PCDHGA11: variants seen among roughly 807,000 people sequenced by gnomAD.
PCDHGA11 encodes protocadherin gamma subfamily A, 11.
A neutral mutation model predicts 60.4 loss-of-function variants in PCDHGA11; 39 were observed. The ratio of observed to expected loss-of-function variants is 0.65; its 90% confidence interval spans 0.50 to 0.84. PCDHGA11 has a LOEUF of 0.84. Among genes scored for constraint, PCDHGA11 ranks in the 40% least tolerant of loss-of-function variants. PCDHGA11 has a pLI of 0.00. For synonymous variants in PCDHGA11, 533 were observed against 510.3 expected, an observed-to-expected ratio of 1.04 and a Z score of -0.60; for missense variants, 1,165 against 1,197.7, an observed-to-expected ratio of 0.97 and a Z score of 0.40.
intron 1 of PCDHGA11, chr5:141,430,848 A>G (rs780445178): frequency 1.3e-6 from 2 of 1,581,028 alleles, no homozygotes; most frequent in Admixed American, 1.8e-5. Flanking sequence ...GGATGCACCC[A>G]GATACGCTAT....
intron 2 of PCDHGA11, among the ~76,000 whole-genome samples, chr5:141,501,301 ACAC>A (rs1380901086): frequency 6.6e-6 from 1 of 150,882 alleles, no homozygotes; most frequent in African/African-American, 2.4e-5. Context: ...ACACACACAC[ACAC>A]ACACACACAC....
At chr5:141,430,837 CG>C in intron 1 of PCDHGA11, 1 of 1,560,074 alleles carries the variant, frequency 6.4e-7, no homozygotes, top group African/African-American at 1.4e-5. Flanking sequence ...TGTGGGAGAC[CG>C]GATGCACCCA....
chr5:141,461,864 C>T (rs911351082), intron 1 of PCDHGA11, among the ~76,000 whole-genome samples: 5 of 151,900 alleles, frequency 3.3e-5, no homozygotes, highest in African/African-American at 9.7e-5. Context: ...GCTCTTGTTG[C>T]CCAGGCTGGA....
intron 1 of PCDHGA11, among the ~76,000 whole-genome samples, chr5:141,458,695 G>A (rs551105765): frequency 2.0e-5 from 3 of 151,852 alleles, no homozygotes; most frequent in Non-Finnish European, 2.9e-5. Context: ...TCAGCCTCCC[G>A]AGTAGCTGGG....
Position 141,476,873 on chromosome 5 carries a change from G to A in PCDHGA11, c.2434-17934G>A. 1.9e-6 allele frequency: 3 copies of A among 1,613,936 alleles called. No homozygotes were observed. Among genetic ancestry groups the A allele is most frequent in the Non-Finnish European group, 2.5e-6 (3 of 1,180,038 alleles). Reference sequence around the variant, plus strand: ...CAACCAGTCCTTGTACCGGGCGCGCGTCCTGGAGGATGCACCCTCCGGCAC... The same window carrying A: ...CAACCAGTCCTTGTACCGGGCGCGCATCCTGGAGGATGCACCCTCCGGCAC... On this transcript the variant is annotated intron_variant, in intron 1 of 3. Transcript: ENST00000398587. The surrounding 1 kb of genome is among the most constrained non-coding windows in gnomAD (Gnocchi z 7.6).
At chr5:141,470,139 A>AT (rs146570937) in intron 1 of PCDHGA11, among the ~76,000 whole-genome samples, 7,047 of 152,316 alleles carry the variant, frequency 0.046, 200 homozygotes, top group Middle Eastern at 0.092. Flanking sequence ...AAAAAAAAAG[A>AT]TCATAGATCA....
intron 1 of PCDHGA11, among the ~76,000 whole-genome samples, chr5:141,473,542 G>A (rs1444751260): frequency 6.6e-6 from 1 of 152,176 alleles, no homozygotes; most frequent in Non-Finnish European, 1.5e-5. Flanking sequence ...GGGGCCTAAT[G>A]GAAGACCTCT....
intron 1 of PCDHGA11, among the ~76,000 whole-genome samples, chr5:141,473,698 T>A (rs2099327181): frequency 6.6e-6 from 1 of 152,166 alleles, no homozygotes; most frequent in Non-Finnish European, 1.5e-5. Context: ...CTGACCACCC[T>A]CCAAGTGGTG....
chr5:141,460,951 G>GTA (rs200454978), intron 1 of PCDHGA11, among the ~76,000 whole-genome samples: 2,366 of 139,742 alleles, frequency 0.017, 20 homozygotes, highest in Middle Eastern at 0.037. Flanking sequence ...TATGTATTAT[G>GTA]TATATATATA....
chr5:141,440,464 G>A (rs2003094), intron 1 of PCDHGA11: 3,293 of 152,144 alleles, frequency 0.022, 52 homozygotes, highest in South Asian at 0.038. Context: ...ATGAACAAAC[G>A]GTAGTTGAAA....
At position 141,500,878 on chromosome 5, in the gene PCDHGA11, T is replaced by A. The variant is rs545375199; in HGVS notation, c.2493-4515T>A. On this transcript the variant is annotated intron_variant, in intron 2 of 3. Transcript: ENST00000398587. The stretch of plus-strand genomic sequence containing the variant: ...AGAAAACATACACATTCATTTACAA[T>A]TTTTTTTTTTTGAGACAGTCTCGCT... Among the ~76,000 whole-genome samples, 20 of 92,410 alleles carry A rather than the reference T, an allele frequency of 2.2e-4. 1 individual carries two copies. The East Asian group carries it at 4.8e-3, about 22-fold the overall frequency. The allele number at this position is 92,410 out of a possible 152,430, so 60.6% of individuals were successfully genotyped here.
intron 1 of PCDHGA11, among the ~76,000 whole-genome samples, chr5:141,466,815 A>G (rs1019952491): frequency 1.3e-5 from 2 of 152,182 alleles, no homozygotes; most frequent in Non-Finnish European, 2.9e-5. Flanking sequence ...CAGACATGGT[A>G]TAACAAGTTA....
intron 1 of PCDHGA11, among the ~76,000 whole-genome samples, chr5:141,439,537 C>T (rs1404605731): frequency 6.6e-6 from 1 of 152,206 alleles, no homozygotes; most frequent in African/African-American, 2.4e-5. Flanking sequence ...GAACGCTGTC[C>T]TCTCATTTCT....
intron 1 of PCDHGA11, chr5:141,433,126 G>A (rs1390613447): frequency 1.9e-6 from 3 of 1,614,120 alleles, no homozygotes; most frequent in Middle Eastern, 1.7e-4. Flanking sequence ...AAAAAAGCGA[G>A]CCCCTTTTGC....
chr5:141,483,946 T>C (rs374723616), intron 1 of PCDHGA11, among the ~76,000 whole-genome samples: 127 of 148,696 alleles, frequency 8.5e-4, no homozygotes, highest in Non-Finnish European at 1.5e-3. Flanking sequence ...ACGGTGTGAA[T>C]TGTGTTGTGT....
chr5:141,507,716 C>T (rs567867232), intron 3 of PCDHGA11, among the ~76,000 whole-genome samples: 1 of 152,372 alleles, frequency 6.6e-6, no homozygotes, highest in South Asian at 2.1e-4. Flanking sequence ...CCCAAACCCT[C>T]CAAGCAAGTC....
chr5:141,433,001 G>T, intron 1 of PCDHGA11: 1 of 1,614,156 alleles, frequency 6.2e-7, no homozygotes, highest in African/African-American at 1.3e-5. Flanking sequence ...CGGGGTGCAG[G>T]CTTTCCTGCA....
chr5:141,496,932 T>G (rs1336402833), intron 2 of PCDHGA11, among the ~76,000 whole-genome samples: 1 of 148,964 alleles, frequency 6.7e-6, no homozygotes, highest in Non-Finnish European at 1.5e-5. Context: ...ACGCCTGTAA[T>G]CCCAGCACTT....
chr5:141,428,331 G>A, intron 1 of PCDHGA11: 2 of 625,576 alleles, frequency 3.2e-6, no homozygotes, highest in East Asian at 2.9e-5. Context: ...TGATTTCTAT[G>A]CTCTTCTTCC....
Sources: allele counts gnomAD v4.1 joint callset (sites outside exome capture counted in the v4.1 genomes callset), GRCh38; gene constraint gnomAD v4.1.1; non-coding constraint Gnocchi (gnomAD v3.1); transcripts MANE v1.5; gene names NCBI Gene and HGNC (gene_info 2026-07-23, HGNC 2026-07-21).